CGNL1: variants seen among roughly 807,000 people sequenced by gnomAD.
CGNL1 encodes cingulin-like protein 1.
CGNL1 carries 132 observed loss-of-function variants against 141.2 expected under a neutral mutation model. That is an observed-to-expected ratio of 0.93 (90% CI 0.81 to 1.08). The LOEUF (loss-of-function observed/expected upper bound fraction) is 1.08. CGNL1 is among the 50% of genes least tolerant of loss of function. CGNL1 has a pLI of 0.00. For missense variants in CGNL1, 1,870 were observed against 1,588.6 expected (o/e 1.18, Z -3.01); for synonymous variants, 690 against 622.1 (o/e 1.11, Z -1.63).
chr15:57,520,126 T>A (rs1423840190), intron 10 of CGNL1, among the ~76,000 whole-genome samples: 1 of 152,222 alleles, frequency 6.6e-6, no homozygotes, highest in Non-Finnish European at 1.5e-5. Context: ...GTGGCCGTGT[T>A]AGCCACTGGC....
intron 1 of CGNL1, among the ~76,000 whole-genome samples, chr15:57,389,620 G>A (rs1427229148): frequency 1.7e-4 from 26 of 152,168 alleles, no homozygotes; most frequent in Admixed American, 1.4e-3. Context: ...CTTGCCTGGT[G>A]CCTTATGTAT....
At chr15:57,440,178 G>T (rs1485551359) in intron 2 of CGNL1, among the ~76,000 whole-genome samples, 199 bp from the exon 3 acceptor site, 1 of 151,546 alleles carries the variant, frequency 6.6e-6, no homozygotes, top group Admixed American at 6.6e-5. Flanking sequence ...CACCAACCCT[G>T]TGCAGGTAGT....
chr15:57,509,267 C>A (rs1326759617), intron 8 of CGNL1, among the ~76,000 whole-genome samples: 1 of 152,240 alleles, frequency 6.6e-6, no homozygotes, highest in Non-Finnish European at 1.5e-5. Flanking sequence ...CGAGATGGAA[C>A]TGACACCAAC....
At chr15:57,494,670 T>C (rs1189334307) in intron 8 of CGNL1, among the ~76,000 whole-genome samples, 1 of 152,216 alleles carries the variant, frequency 6.6e-6, no homozygotes, top group Non-Finnish European at 1.5e-5. Context: ...AATTGCAAAC[T>C]GGTGTGCATT....
intron 8 of CGNL1, among the ~76,000 whole-genome samples, chr15:57,494,671 G>A (rs1480079226): frequency 6.6e-6 from 1 of 152,170 alleles, no homozygotes; most frequent in African/African-American, 2.4e-5. Context: ...ATTGCAAACT[G>A]GTGTGCATTA....
intron 15 of CGNL1, 73 bp from the exon 16 acceptor site, chr15:57,544,400 C>T (rs557399015): frequency 1.3e-6 from 2 of 1,574,996 alleles, no homozygotes; most frequent in Admixed American, 1.7e-5. Context: ...CAGGTTCTGC[C>T]CCATATTCTT....
rs138300292 is a variant in CGNL1, at chr15:57,404,451, A to G, written c.-16+27884A>G. Among the ~76,000 whole-genome samples, 78 of 152,364 alleles carry G rather than the reference A, an allele frequency of 5.1e-4. 1 individual carries two copies. In the East Asian group the frequency reaches 0.014, roughly 28 times the overall value. On this transcript the variant is annotated intron_variant, in intron 1 of 18. Transcript: ENST00000281282. The stretch of plus-strand genomic sequence containing the variant: ...ACAGATTTTCTGAAACCAAGTGTCT[A>G]TGAAAAACTATGGTGATGACATGTT...
At chr15:57,445,901 C>A (rs1301720841) in intron 4 of CGNL1, among the ~76,000 whole-genome samples, 1 of 152,198 alleles carries the variant, frequency 6.6e-6, no homozygotes, top group Non-Finnish European at 1.5e-5. Context: ...AATATTCATA[C>A]TCAGATCAGA....
intron 1 of CGNL1, among the ~76,000 whole-genome samples, chr15:57,423,946 C>T (rs2062945065): frequency 6.6e-6 from 1 of 152,246 alleles, no homozygotes; most frequent in Admixed American, 6.5e-5. Context: ...GGAGCTCCAT[C>T]CTCGCTTCTC....
At chr15:57,516,723 C>G in intron 8 of CGNL1, 57 bp from the exon 9 acceptor site, 1 of 1,553,458 alleles carries the variant, frequency 6.4e-7, no homozygotes, top group South Asian at 1.1e-5. Flanking sequence ...TTCTTCCAGC[C>G]TGGGGACAGC....
Position 57,516,032 on chromosome 15 carries a change from G to A in CGNL1, c.2404-748G>A, listed in dbSNP as rs186190605. ...AAATTAGCCAGGCGTGGTGGCGGGC[G>A]CCTGTAGTCCCAGCTACTCGGGAGG... On this transcript the variant is annotated intron_variant, in intron 8 of 18. Coordinates refer to ENST00000281282, the MANE Select transcript of CGNL1 (RefSeq NM_032866.5). 3.1e-3 allele frequency among the ~76,000 whole-genome samples: 465 copies of A among 151,822 alleles called. 6 individuals carry two copies. The highest frequency in any genetic ancestry group is 0.023 in the Admixed American group (347 of 15,232).
At chr15:57,481,335 C>T (rs1232598906) in intron 8 of CGNL1, among the ~76,000 whole-genome samples, 1 of 152,092 alleles carries the variant, frequency 6.6e-6, no homozygotes. Context: ...ATAGCCATGC[C>T]ATCTCGCTTT....
intron 1 of CGNL1, among the ~76,000 whole-genome samples, chr15:57,430,492 C>A (rs1286113151): frequency 1.3e-5 from 2 of 152,048 alleles, no homozygotes; most frequent in African/African-American, 4.8e-5. Flanking sequence ...TAAAGTAATA[C>A]AAATTAAAAA....
chr15:57,529,067 G>A, intron 13 of CGNL1: 2 of 372,932 alleles, frequency 5.4e-6, no homozygotes, highest in Non-Finnish European at 9.7e-6. Context: ...AGAGGAAATG[G>A]AACAGATTCT....
At chr15:57,528,255 T>G (rs1156545789) in intron 12 of CGNL1, among the ~76,000 whole-genome samples, 2 of 146,338 alleles carry the variant, frequency 1.4e-5, no homozygotes, top group African/African-American at 5.3e-5. Context: ...AGACTCCATC[T>G]CAAAAAAAAA....
chr15:57,404,017 T>A (rs1201378187), intron 1 of CGNL1, among the ~76,000 whole-genome samples: 1 of 152,238 alleles, frequency 6.6e-6, no homozygotes, highest in Non-Finnish European at 1.5e-5. Flanking sequence ...GAGCTAGTGC[T>A]GGGTGTCAGA....
rs561895895 is a variant in CGNL1 at position 57,503,580 on chromosome 15, T to C, written c.2404-13200T>C. ...CAGGGCTCGCTCAGGGCAGGCTGGC[T>C]AAAGGCTTGGAGTGGAAGGGGTGTG... On this transcript the variant is annotated intron_variant, in intron 8 of 18. Transcript: ENST00000281282. Among the ~76,000 whole-genome samples the C allele has an allele frequency of 7.9e-5, 12 of 152,222 alleles. No individual in the cohort carries two copies. The South Asian group carries it at 2.5e-3, about 32-fold the overall frequency.
intron 7 of CGNL1, among the ~76,000 whole-genome samples, chr15:57,457,021 A>G (rs2063387300): frequency 6.6e-6 from 1 of 152,214 alleles, no homozygotes; most frequent in African/African-American, 2.4e-5. Flanking sequence ...GCAGCCAAAA[A>G]TACCATGATT....
chr15:57,514,191 AC>A (rs1353339357), intron 8 of CGNL1, among the ~76,000 whole-genome samples: 1 of 151,894 alleles, frequency 6.6e-6, no homozygotes, highest in African/African-American at 2.4e-5. Flanking sequence ...TTGCTCTGTC[AC>A]CCAAGTTGGA....
Sources: allele counts gnomAD v4.1 joint callset (sites outside exome capture counted in the v4.1 genomes callset), GRCh38; gene constraint gnomAD v4.1.1; transcripts MANE v1.5; gene names NCBI Gene and HGNC (gene_info 2026-07-23, HGNC 2026-07-21).